SHOC2: variants seen among roughly 807,000 people sequenced by gnomAD.
SHOC2 encodes SHOC2 leucine rich repeat scaffold protein.
SHOC2 carries 4 observed loss-of-function variants against 50.2 expected under a neutral mutation model. The ratio of observed to expected loss-of-function variants is 0.08; its 90% CI spans 0.04 to 0.18. The LOEUF (loss-of-function observed/expected upper bound fraction) is 0.18, where lower values mean the gene tolerates loss of function less well. Among genes scored for constraint, SHOC2 ranks in the 10% least tolerant of loss-of-function variants. The pLI, the probability that SHOC2 is intolerant of heterozygous loss-of-function variation, is 1.00. For synonymous variants in SHOC2, 218 were observed against 244.5 expected, an observed-to-expected ratio of 0.89 and a Z score of 1.01; for missense variants, 388 against 669.6, an observed-to-expected ratio of 0.58 and a Z score of 4.64.
intron 1 of SHOC2, chr10:110,936,569 G>A (rs1235518728): frequency 3.4e-6 from 2 of 588,608 alleles, no homozygotes; most frequent in Non-Finnish European, 5.8e-6. Flanking sequence ...TCTTAGGAAA[G>A]GGCATGTCCT....
intron 2 of SHOC2, among the ~76,000 whole-genome samples, chr10:110,969,661 A>G (rs1847741855): frequency 6.6e-6 from 1 of 152,060 alleles, no homozygotes; most frequent in Non-Finnish European, 1.5e-5. Context: ...TCCCTTATTT[A>G]TTCTTCTTTA....
At chr10:110,999,214 A>G (rs896132008) in intron 3 of SHOC2, among the ~76,000 whole-genome samples, 1 of 152,254 alleles carries the variant, frequency 6.6e-6, no homozygotes, top group Non-Finnish European at 1.5e-5. Flanking sequence ...AGTATCTCAT[A>G]GCAACAGTTG....
At chr10:110,991,498 T>C (rs1848185563) in intron 3 of SHOC2, among the ~76,000 whole-genome samples, 2 of 152,234 alleles carry the variant, frequency 1.3e-5, no homozygotes, top group Non-Finnish European at 2.9e-5. Flanking sequence ...TTTACTTTTA[T>C]ATGCTTTGAT....
chr10:110,979,309 A>G (rs114328448), intron 2 of SHOC2, among the ~76,000 whole-genome samples: 2,633 of 152,338 alleles, frequency 0.017, 78 homozygotes, highest in African/African-American at 0.06. Context: ...TAAGACATCA[A>G]TAAAGTGCTA....
At chr10:110,934,278 T>TG (rs1443734293) in intron 1 of SHOC2, among the ~76,000 whole-genome samples, 2 of 152,150 alleles carry the variant, frequency 1.3e-5, no homozygotes. Flanking sequence ...TTATATATCT[T>TG]GGTGAAAACA....
intron 3 of SHOC2, among the ~76,000 whole-genome samples, chr10:110,995,971 C>T (rs142193436): frequency 5.2e-4 from 79 of 152,306 alleles, no homozygotes; most frequent in African/African-American, 1.9e-3. Context: ...TTGTCTCCCC[C>T]ATCTCTAAAC....
At chr10:110,931,652 CTTGT>C (rs979243288) in intron 1 of SHOC2, among the ~76,000 whole-genome samples, 20 of 151,780 alleles carry the variant, frequency 1.3e-4, no homozygotes, top group Admixed American at 1.3e-3. Flanking sequence ...GAGATGAAAC[CTTGT>C]TTATTGTTCA....
At chr10:110,974,043 T>A (rs1483240250) in intron 2 of SHOC2, among the ~76,000 whole-genome samples, 4 of 151,994 alleles carry the variant, frequency 2.6e-5, no homozygotes, top group African/African-American at 9.7e-5. Context: ...ATTTTCAAAT[T>A]CCTTATTACT....
chr10:111,010,176 G>T (rs1232343526), intron 8 of SHOC2, among the ~76,000 whole-genome samples: 1 of 151,954 alleles, frequency 6.6e-6, no homozygotes, highest in Non-Finnish European at 1.5e-5. Context: ...TATGCCAAAA[G>T]AACATTTATG....
chr10:110,960,173 G>T (rs1235113030), intron 1 of SHOC2, among the ~76,000 whole-genome samples: 2 of 152,210 alleles, frequency 1.3e-5, no homozygotes, highest in Non-Finnish European at 2.9e-5. Context: ...GCCAAATCCA[G>T]TTTGAGGTCT....
At chr10:110,967,184 T>C (rs1047807293) in intron 2 of SHOC2, among the ~76,000 whole-genome samples, 2 of 152,208 alleles carry the variant, frequency 1.3e-5, no homozygotes, top group African/African-American at 4.8e-5. Flanking sequence ...ATAGGTATTT[T>C]CCCCATGCTA....
intron 6 of SHOC2, among the ~76,000 whole-genome samples, chr10:111,008,680 C>T (rs910873110): frequency 6.6e-6 from 1 of 152,006 alleles, no homozygotes; most frequent in African/African-American, 2.4e-5. Flanking sequence ...AATAAATGAA[C>T]ATAAAAACTT....
intron 1 of SHOC2, among the ~76,000 whole-genome samples, chr10:110,932,841 G>A (rs572941187): frequency 6.6e-6 from 1 of 152,202 alleles, no homozygotes; most frequent in African/African-American, 2.4e-5. Context: ...TATACTAAGT[G>A]CATTACACTT....
At chr10:110,990,195 G>A (rs1369046272) in intron 3 of SHOC2, among the ~76,000 whole-genome samples, 1 of 152,244 alleles carries the variant, frequency 6.6e-6, no homozygotes, top group Non-Finnish European at 1.5e-5. Flanking sequence ...GCCCTGGTGC[G>A]GGATCCACTA....
In SHOC2 at chr10:110,964,656, G is replaced by C. The variant is rs761884759; in HGVS notation, c.298G>C (p.Glu100Gln). The C allele has an allele frequency of 5.6e-6, 9 of 1,614,134 alleles. No homozygotes were observed. The highest frequency in any genetic ancestry group is 7.6e-6 in the Non-Finnish European group (9 of 1,179,994). ...VIKELNKCRE[E>Q]NSMRLDLSKR... ...TAAAGAGCTCAACAAATGCCGGGAA[G>C]AGAATTCAATGCGTTTGGACTTATC... is the stretch of plus-strand genomic sequence containing the variant. The change falls in exon 2 of 9, where the codon GAG becomes CAG. Residue 100 changes from glutamate to glutamine, a missense_variant. By Grantham distance (29) the Glu-to-Gln change is conservative. This residue lies in a region of SHOC2 where 121 missense variants were observed against 145.5 expected (regional missense o/e 0.83). Transcript: ENST00000369452. The surrounding 1 kb of genome is among the most constrained non-coding windows in gnomAD (Gnocchi z 4.9).
intron 1 of SHOC2, among the ~76,000 whole-genome samples, chr10:110,949,338 C>A (rs1847306759): frequency 6.6e-6 from 1 of 152,006 alleles, no homozygotes; most frequent in Non-Finnish European, 1.5e-5. Flanking sequence ...GATGGATAGC[C>A]TAGAAGAAAT....
intron 1 of SHOC2, among the ~76,000 whole-genome samples, chr10:110,935,887 T>C (rs1846997630): frequency 6.6e-6 from 1 of 152,212 alleles, no homozygotes; most frequent in African/African-American, 2.4e-5. Flanking sequence ...TCTATAGCCA[T>C]AGCCATAGTT....
intron 3 of SHOC2, 150 bp from the exon 4 acceptor site, chr10:111,000,265 T>C: frequency 3.0e-6 from 2 of 675,800 alleles, no homozygotes; most frequent in Non-Finnish European, 5.2e-6. Flanking sequence ...TAATTGATAG[T>C]GTAGTGTGAG....
chr10:110,956,369 C>T (rs1245330930), intron 1 of SHOC2, among the ~76,000 whole-genome samples: 3 of 152,134 alleles, frequency 2.0e-5, no homozygotes, highest in Non-Finnish European at 2.9e-5. Context: ...CGCGCCAGCA[C>T]ACCTGGGTAA....
Sources: allele counts gnomAD v4.1 joint callset (sites outside exome capture counted in the v4.1 genomes callset), GRCh38; gene constraint gnomAD v4.1.1; regional missense constraint gnomAD v4.1.1; non-coding constraint Gnocchi (gnomAD v3.1); transcripts MANE v1.5; gene names NCBI Gene and HGNC (gene_info 2026-07-23, HGNC 2026-07-21).